The following TMEM168 variants were observed in gnomAD, a reference collection of about 807,000 sequenced individuals.
The protein encoded by TMEM168 is transmembrane protein 168.
A neutral mutation model predicts 53.2 loss-of-function variants in TMEM168; 40 were observed. The ratio of observed to expected loss-of-function variants is 0.75; its 90% CI spans 0.58 to 0.98. The LOEUF is 0.98. Among genes scored for constraint, TMEM168 ranks in the 50% least tolerant of loss-of-function variants. The pLI is 0.00. For synonymous variants in TMEM168, 282 were observed against 293.0 expected, an observed-to-expected ratio of 0.96 and a Z score of 0.38; for missense variants, 771 against 828.8, an observed-to-expected ratio of 0.93 and a Z score of 0.86.
At chr7:112,776,639 G>T (rs1793091622) in intron 2 of TMEM168, among the ~76,000 whole-genome samples, 1 of 151,744 alleles carries the variant, frequency 6.6e-6, no homozygotes, top group Non-Finnish European at 1.5e-5. Flanking sequence ...ATACAAATAA[G>T]TAAAAAAGAT....
intron 1 of TMEM168, among the ~76,000 whole-genome samples, chr7:112,787,773 C>T (rs1293907454): frequency 1.8e-5 from 2 of 112,916 alleles, no homozygotes; most frequent in Non-Finnish European, 3.3e-5. Flanking sequence ...ATTCTTGTTG[C>T]CCAGGCTGGA....
intron 4 of TMEM168, 44 bp downstream of exon 4, chr7:112,772,737 C>T (rs1344977898): frequency 1.3e-6 from 2 of 1,581,998 alleles, no homozygotes; most frequent in African/African-American, 1.4e-5. Flanking sequence ...TCTACATATA[C>T]ATGTGTATCT....
Position 112,762,518 on chromosome 7 carries a change from T to C in TMEM168, c.*4679A>G, listed in dbSNP as rs1792689960. 2 of 152,062 alleles carry C rather than the reference T, an allele frequency of 1.3e-5. No individual in the cohort carries two copies. The highest frequency in any genetic ancestry group is 4.1e-4 in the South Asian group (2 of 4,836). 9.4% of individuals were successfully genotyped at this position (152,062 alleles called of 1,614,324 possible). On this transcript the variant is annotated 3_prime_UTR_variant, in exon 5 of 5. Transcript: ENST00000312814. ...GTCCCTTGCACACTGCTAAAAATCTTTGAGATAAATCAATGTCTTTTAGGC... is the reference window on the plus strand; with the variant it reads ...GTCCCTTGCACACTGCTAAAAATCTCTGAGATAAATCAATGTCTTTTAGGC...
Position 112,767,556 on chromosome 7 carries a change from C to T in TMEM168, c.1735G>A (p.Glu579Lys). 3 of 1,614,138 alleles carry T rather than the reference C, an allele frequency of 1.9e-6. No individual in the cohort carries two copies. Among genetic ancestry groups the T allele is most frequent in the Admixed American group, 3.3e-5 (2 of 60,006 alleles). Residue 579 changes from glutamate to lysine, a missense_variant, in exon 5 of 5, where the codon GAA becomes AAA. Physicochemically the swap from Glu to Lys is moderately conservative, Grantham distance 56. Transcript: ENST00000312814. ...AELIKTVDIEEADPPQLGDFT... is the reference protein window; with the variant it reads ...AELIKTVDIEKADPPQLGDFT... ...TCACCTAGCTGTGGCGGGTCAGCTT[C>T]TTCAATATCTACTGTTTTTATCAAC...
rs1225444408 is a variant in TMEM168, at chr7:112,773,062, T to G, written c.1272-7A>C. 1.3e-6 allele frequency: 2 copies of G among 1,583,508 alleles called. No individual in the cohort carries two copies. Among genetic ancestry groups the G allele is most frequent in the Middle Eastern group, 1.7e-4 (1 of 5,882 alleles). On this transcript the variant is annotated splice_polypyrimidine_tract_variant and splice_region_variant and intron_variant, in intron 3 of 4. Transcript: ENST00000312814. ...TGTTGGCTGACCATCAGGACTGAAG[T>G]AGGAGAAAAAACAAGAAGTACTCAT...
intron 2 of TMEM168, among the ~76,000 whole-genome samples, chr7:112,781,479 C>T (rs1793230088): frequency 6.6e-6 from 1 of 151,924 alleles, no homozygotes; most frequent in Non-Finnish European, 1.5e-5. Flanking sequence ...TATAAATAAC[C>T]CATGAGTCAA....
At chr7:112,772,636 C>T in intron 4 of TMEM168, 145 bp downstream of exon 4, 2 of 853,764 alleles carry the variant, frequency 2.3e-6, no homozygotes, top group Non-Finnish European at 3.5e-6. Context: ...AACAGGTATG[C>T]TAGAGCAAAG....
chr7:112,765,339 G>A lies in TMEM168; in HGVS notation c.*1858C>T, dbSNP rs1223304777. ...GTTTGTGGCTGTCAAACTGTCAGCT[G>A]TTTTTAAAATGTAATTTTTAGTACC... On this transcript the variant is annotated 3_prime_UTR_variant, in exon 5 of 5. Coordinates refer to ENST00000312814, the MANE Select transcript of TMEM168 (RefSeq NM_022484.6). The A allele has an allele frequency of 6.6e-6, 1 of 152,144 alleles. No homozygotes were observed. Among genetic ancestry groups the A allele is most frequent in the Non-Finnish European group, 1.5e-5 (1 of 68,014 alleles). The allele number at this position is 152,144 out of a possible 1,614,324, so 9.4% of individuals were successfully genotyped here.
intron 1 of TMEM168, among the ~76,000 whole-genome samples, chr7:112,787,677 G>T (rs1298668431): frequency 7.5e-6 from 1 of 133,272 alleles, no homozygotes; most frequent in African/African-American, 2.8e-5. Flanking sequence ...GCCTCCCAAA[G>T]TTCTGGGATT....
chr7:112,776,768 T>A (rs1467965302), intron 2 of TMEM168, among the ~76,000 whole-genome samples: 1 of 151,576 alleles, frequency 6.6e-6, no homozygotes, highest in East Asian at 1.9e-4. Flanking sequence ...TTTTTTTTTT[T>A]ACCAAAATGG....
At position 112,765,395 on chromosome 7, in the gene TMEM168, A is replaced by C. The variant is rs1446385708; in HGVS notation, c.*1802T>G. 2 of 152,178 alleles carry C rather than the reference A, an allele frequency of 1.3e-5. No individual in the cohort carries two copies. The highest frequency in any genetic ancestry group is 4.8e-5 in the African/African-American group (2 of 41,464). The allele number at this position is 152,178 out of a possible 1,614,324, so 9.4% of individuals were successfully genotyped here. The stretch of plus-strand genomic sequence containing the variant: ...AATACTACCTTATAAAGAATGCAGA[A>C]TATACTTTTGTATTTGGCTTTCTTA... On this transcript the variant is annotated 3_prime_UTR_variant, in exon 5 of 5. Transcript: ENST00000312814.
intron 3 of TMEM168, among the ~76,000 whole-genome samples, chr7:112,773,803 C>T (rs1326834885): frequency 1.3e-5 from 2 of 152,038 alleles, no homozygotes; most frequent in African/African-American, 4.8e-5. Flanking sequence ...GATTTTGCTT[C>T]ATATATCATC....
intron 2 of TMEM168, among the ~76,000 whole-genome samples, chr7:112,776,529 C>T (rs1793088725): frequency 6.6e-6 from 1 of 151,918 alleles, no homozygotes. Context: ...AAAATTAATT[C>T]CTGCAATAGA....
intron 2 of TMEM168, among the ~76,000 whole-genome samples, chr7:112,780,031 T>C (rs1793186859): frequency 1.3e-5 from 2 of 152,184 alleles, no homozygotes; most frequent in African/African-American, 4.8e-5. Context: ...TTTCAAAACT[T>C]TGCTTGTTTC....
intron 4 of TMEM168, among the ~76,000 whole-genome samples, chr7:112,770,665 T>C (rs1394426345): frequency 6.6e-6 from 1 of 152,156 alleles, no homozygotes; most frequent in Non-Finnish European, 1.5e-5. Flanking sequence ...AAAAAGCTGA[T>C]ATAAGTATTA....
chr7:112,789,525 T>G (rs73438322), intron 1 of TMEM168, among the ~76,000 whole-genome samples: 12,612 of 152,256 alleles, frequency 0.083, 1,712 homozygotes, highest in African/African-American at 0.28. Flanking sequence ...CTAGTAGAAC[T>G]AAGGGAGAGT....
In TMEM168 at chr7:112,772,987, A is replaced by G; in HGVS notation, c.1340T>C (p.Met447Thr). The change falls in exon 4 of 5, where the codon ATG becomes ACG. Residue 447 changes from methionine to threonine, a missense_variant. Transcript: ENST00000312814. ...VQELNLRSTG[M>T]LNAIQRFFAY... Reference sequence around the variant, plus strand: ...AAAAAATCTTTGGATAGCATTGAGCATGCCAGTAGACCTCAAATTTAACTC... The same window carrying G: ...AAAAAATCTTTGGATAGCATTGAGCGTGCCAGTAGACCTCAAATTTAACTC... 1 of 1,613,952 alleles carries G rather than the reference A, an allele frequency of 6.2e-7. No individual in the cohort carries two copies. Among genetic ancestry groups the G allele is most frequent in the Non-Finnish European group, 8.5e-7 (1 of 1,179,832 alleles).
At chr7:112,789,796 A>G (rs991595422) in intron 1 of TMEM168, among the ~76,000 whole-genome samples, 1 of 152,220 alleles carries the variant, frequency 6.6e-6, no homozygotes, top group Non-Finnish European at 1.5e-5. Flanking sequence ...ATACGAGGAA[A>G]ATGTCATCTA....
At chr7:112,773,509 T>C (rs1282238706) in intron 3 of TMEM168, among the ~76,000 whole-genome samples, 2 of 152,034 alleles carry the variant, frequency 1.3e-5, no homozygotes, top group African/African-American at 4.8e-5. Context: ...AAATAGTCAA[T>C]AAAATTGTGT....
Sources: gnomAD v4.1 joint callset for allele counts (sites outside exome capture counted in the v4.1 genomes callset) on GRCh38, gnomAD v4.1.1 for gene constraint, MANE v1.5 for transcripts, NCBI Gene and HGNC (gene_info 2026-07-23, HGNC 2026-07-21) for gene names.